FNDC1: variants seen among roughly 807,000 people sequenced by gnomAD.
FNDC1 encodes the protein fibronectin type III domain-containing protein 1.
A neutral mutation model predicts 168.0 loss-of-function variants in FNDC1; 96 were observed. The observed-to-expected ratio is 0.57, with a 90% CI of 0.48 to 0.68. The LOEUF is 0.68. Ranked by LOEUF, FNDC1 falls within the 30% of genes least tolerant of loss-of-function variation. The pLI, the probability that FNDC1 is intolerant of heterozygous loss-of-function variation, is 0.00. For missense variants in FNDC1, 2,587 were observed against 2,482.1 expected, an observed-to-expected ratio of 1.04 and a Z score of -0.90; for synonymous variants, 1,099 against 1,025.9, an observed-to-expected ratio of 1.07 and a Z score of -1.36.
chr6:159,228,265 T>C (rs192568374), intron 9 of FNDC1, among the ~76,000 whole-genome samples: 2 of 152,338 alleles, frequency 1.3e-5, no homozygotes, highest in Non-Finnish European at 1.5e-5. Context: ...TTAAGCCTGC[T>C]TAGGTCGTTT....
At chr6:159,203,580 G>A (rs921081459) in intron 4 of FNDC1, among the ~76,000 whole-genome samples, 2 of 152,186 alleles carry the variant, frequency 1.3e-5, no homozygotes, top group African/African-American at 4.8e-5. Flanking sequence ...TCACTTCTCC[G>A]AGCCGGAAAG....
chr6:159,211,753 C>T lies in FNDC1; in HGVS notation c.461-3192C>T, dbSNP rs142871727. On this transcript the variant is annotated intron_variant, in intron 4 of 22. Coordinates refer to ENST00000297267, the MANE Select transcript of FNDC1 (RefSeq NM_032532.3). ...AGCATATGTCAGGTATGGCACCGAACGCTTTACATGGTTATATTACAAAGT... is the reference window on the plus strand; with the variant it reads ...AGCATATGTCAGGTATGGCACCGAATGCTTTACATGGTTATATTACAAAGT... 1.3e-3 allele frequency among the ~76,000 whole-genome samples: 202 copies of T among 152,204 alleles called. 3 individuals are homozygous for T. Among genetic ancestry groups the T allele is most frequent in the East Asian group, 4.4e-3 (23 of 5,172 alleles).
chr6:159,192,203 GC>G (rs1193380206), intron 1 of FNDC1, among the ~76,000 whole-genome samples: 1 of 151,988 alleles, frequency 6.6e-6, no homozygotes, highest in Non-Finnish European at 1.5e-5. Context: ...AACCACCCCT[GC>G]CCCCACCTCT....
chr6:159,175,384 C>A (rs747347904), intron 1 of FNDC1, among the ~76,000 whole-genome samples: 1 of 152,238 alleles, frequency 6.6e-6, no homozygotes, highest in East Asian at 1.9e-4. Context: ...TCAGTCTTTG[C>A]GGTCCAGATC....
rs570700534 is a variant in FNDC1, at chr6:159,228,745, G to A, written c.1181-1070G>A. On this transcript the variant is annotated intron_variant, in intron 9 of 22. Transcript: ENST00000297267. ...AGGCTGGAGTGCAGTGTGCAATCTC[G>A]GCTCACTGCAACCTCTGCCTCCAGG... Among the ~76,000 whole-genome samples the A allele has an allele frequency of 2.6e-5, 4 of 151,944 alleles. No individual in the cohort carries two copies. In the East Asian group the frequency reaches 7.7e-4, roughly 29 times the overall value.
intron 9 of FNDC1, among the ~76,000 whole-genome samples, chr6:159,227,817 T>TA (rs969468320): frequency 6.6e-6 from 1 of 151,824 alleles, no homozygotes; most frequent in Non-Finnish European, 1.5e-5. Flanking sequence ...TGATGAGCTT[T>TA]AAAAAAAAGG....
At chr6:159,198,929 T>C (rs1224957653) in intron 2 of FNDC1, among the ~76,000 whole-genome samples, 2 of 152,222 alleles carry the variant, frequency 1.3e-5, no homozygotes, top group African/African-American at 4.8e-5. Context: ...CCTGCCACAG[T>C]GAGACAGAAG....
At chr6:159,244,708 A>G (rs1250333081) in intron 14 of FNDC1, among the ~76,000 whole-genome samples, 1 of 152,224 alleles carries the variant, frequency 6.6e-6, no homozygotes, top group African/African-American at 2.4e-5. Flanking sequence ...TTTATTGGTT[A>G]GTTCAACTTT....
intron 17 of FNDC1, among the ~76,000 whole-genome samples, chr6:159,254,702 C>T (rs1464150968): frequency 1.3e-4 from 8 of 62,832 alleles, no homozygotes; most frequent in Admixed American, 4.4e-4. Context: ...AGCAAGACTT[C>T]GTCTCAAAAA....
chr6:159,247,012 C>T lies in FNDC1; in HGVS notation c.4690+43C>T, dbSNP rs370100308. Reference sequence around the variant, plus strand: ...AAAAATTATTTGCACACTTTCTTTCCTAATCAAAGGATCTGATTGTAACTA... The same window carrying T: ...AAAAATTATTTGCACACTTTCTTTCTTAATCAAAGGATCTGATTGTAACTA... On this transcript the variant is annotated intron_variant, in intron 15 of 22. Coordinates refer to ENST00000297267, the MANE Select transcript of FNDC1 (RefSeq NM_032532.3). 2.6e-5 allele frequency: 35 copies of T among 1,330,788 alleles called. 1 individual carries two copies. In the South Asian group the frequency reaches 3.3e-4, roughly 12 times the overall value. The allele number at this position is 1,330,788 out of a possible 1,614,324, so 82.4% of individuals were successfully genotyped here.
chr6:159,181,894 A>G (rs2114925085), intron 1 of FNDC1, among the ~76,000 whole-genome samples: 1 of 152,304 alleles, frequency 6.6e-6, no homozygotes, highest in Non-Finnish European at 1.5e-5. Flanking sequence ...TCTTGATGAT[A>G]TGGAAAACCA....
intron 1 of FNDC1, among the ~76,000 whole-genome samples, chr6:159,189,033 T>C (rs1343865534): frequency 6.6e-6 from 1 of 152,210 alleles, no homozygotes; most frequent in Non-Finnish European, 1.5e-5. Context: ...ATTATAGGTG[T>C]GAGCTGCTGC....
Position 159,233,681 on chromosome 6 carries a change from A to G in FNDC1, c.3169A>G (p.Thr1057Ala). The change falls in exon 11 of 23, where the codon ACG becomes GCG. Residue 1057 changes from threonine (T) to alanine (A), a missense_variant. Coordinates refer to ENST00000297267, the MANE Select transcript of FNDC1 (RefSeq NM_032532.3). This position sits in a 1 kb window ranked among gnomAD's most constrained non-coding sequence, Gnocchi z 4.6. Reference sequence around the variant, plus strand: ...CTCCCACTCCTCCTCGGACCCTTACACGGCGAGCTCCAGAGGGATGCTCCC... The same window carrying G: ...CTCCCACTCCTCCTCGGACCCTTACGCGGCGAGCTCCAGAGGGATGCTCCC... The part of the protein sequence containing the change: ...GRSHSSSDPY[T>A]ASSRGMLPTA... 20 of 1,549,538 alleles carry G rather than the reference A, an allele frequency of 1.3e-5. No individual in the cohort carries two copies. The highest frequency in any genetic ancestry group is 1.7e-5 in the Non-Finnish European group (20 of 1,147,262).
intron 9 of FNDC1, among the ~76,000 whole-genome samples, chr6:159,227,875 C>T (rs416321): frequency 0.38 from 58,376 of 151,962 alleles, 14,356 homozygotes; most frequent in East Asian, 0.73. Flanking sequence ...TGAATCTGTG[C>T]TGGGCCTCAT....
chr6:159,232,354 C>T lies in FNDC1; in HGVS notation c.1842C>T (p.Pro614=). Residue 614 remains proline (P), a synonymous_variant, in exon 11 of 23, where the codon CCC becomes CCT. Coordinates refer to ENST00000297267, the MANE Select transcript of FNDC1 (RefSeq NM_032532.3). This position sits in a 1 kb window ranked among gnomAD's most constrained non-coding sequence, Gnocchi z 4.9. ...CGCAGCCCCGCCCAGGGGCGCCCCC[C>T]TCGGCTTCGGCCTCTCCTGCCCACC... ...LATQPRPGAP[P]SASASPAHHA... is the part of the protein sequence containing the mutation. The T allele has an allele frequency of 6.2e-7, 1 of 1,613,606 alleles. No homozygotes were observed. Among genetic ancestry groups the T allele is most frequent in the East Asian group, 2.2e-5 (1 of 44,856 alleles).
intron 4 of FNDC1, among the ~76,000 whole-genome samples, chr6:159,208,338 T>C (rs921973579): frequency 4.6e-5 from 7 of 152,200 alleles, no homozygotes; most frequent in Non-Finnish European, 1.0e-4. Flanking sequence ...CGGCCACAGA[T>C]GGGTCACAGA....
Position 159,221,634 on chromosome 6 carries a change from T to G in FNDC1, c.704T>G (p.Met235Arg), listed in dbSNP as rs1406911230. The G allele has an allele frequency of 1.2e-6, 2 of 1,613,900 alleles. No individual in the cohort carries two copies. The highest frequency in any genetic ancestry group is 1.3e-5 in the African/African-American group (1 of 74,936). ...GTGTATGTGGTCTCCCTGCAGTCCATGAACTCTCAGGGCCGGAGCCAACCA... is the reference window on the plus strand; with the variant it reads ...GTGTATGTGGTCTCCCTGCAGTCCAGGAACTCTCAGGGCCGGAGCCAACCA... ...ESVYVVSLQS[M>R]NSQGRSQPVY... Residue 235 changes from methionine to arginine, a missense_variant, in exon 6 of 23, where the codon ATG (methionine) becomes AGG (arginine). Transcript: ENST00000297267.
intron 1 of FNDC1, among the ~76,000 whole-genome samples, chr6:159,183,991 G>A (rs1781939916): frequency 6.6e-6 from 1 of 152,194 alleles, no homozygotes; most frequent in Non-Finnish European, 1.5e-5. Context: ...CAGCTGAGAG[G>A]GAACAAAGTA....
At chr6:159,259,530 CT>C (rs2115024662) in intron 18 of FNDC1, among the ~76,000 whole-genome samples, 1 of 152,338 alleles carries the variant, frequency 6.6e-6, no homozygotes, top group South Asian at 2.1e-4. Flanking sequence ...TTGACGTTGA[CT>C]ACTCAGCAGA....
Sources: gnomAD v4.1 joint callset for allele counts (sites outside exome capture counted in the v4.1 genomes callset) on GRCh38, gnomAD v4.1.1 for gene constraint, Gnocchi (gnomAD v3.1) non-coding constraint, MANE v1.5 for transcripts, NCBI Gene and HGNC (gene_info 2026-07-23, HGNC 2026-07-21) for gene names.